QTMAN: variants seen among roughly 807,000 people sequenced by gnomAD.
The protein encoded by QTMAN is tRNA-queuosine alpha-mannosyltransferase.
the QTMAN span, chr2:144,177,051 A>G: frequency 1.5e-6 from 1 of 667,384 alleles, no homozygotes; most frequent in Admixed American, 2.2e-5. Context: ...TAAAACAGCC[A>G]GATTTCATAA....
At chr2:144,177,058 A>C in the QTMAN span, 6 of 664,594 alleles carry the variant, frequency 9.0e-6, no homozygotes, top group East Asian at 2.7e-5. Context: ...GCCAGATTTC[A>C]TAAGAATTCT....
the QTMAN span, among the ~76,000 whole-genome samples, chr2:144,250,657 C>T: frequency 1.3e-5 from 2 of 150,956 alleles, no homozygotes; most frequent in African/African-American, 4.9e-5. Flanking sequence ...ACATACTAAC[C>T]TCTTAGTGAG....
the QTMAN span, among the ~76,000 whole-genome samples, chr2:144,058,270 C>T: frequency 6.6e-6 from 1 of 151,932 alleles, no homozygotes; most frequent in East Asian, 1.9e-4. Context: ...AAGGCTTGAT[C>T]CTTTTCTGCT....
the QTMAN span, chr2:144,007,470 G>C: frequency 2.4e-4 from 379 of 1,611,850 alleles, no homozygotes; most frequent in Non-Finnish European, 3.0e-4. Context: ...GGACAGAACC[G>C]CACCGCCATT....
chr2:144,234,248 T>A, the QTMAN span, among the ~76,000 whole-genome samples: 2 of 152,134 alleles, frequency 1.3e-5, no homozygotes, highest in Admixed American at 1.3e-4. Context: ...GTCTCTTCAA[T>A]CCTATTCAAT....
At chr2:144,308,791 AAAAG>A in the QTMAN span, among the ~76,000 whole-genome samples, 85 of 152,316 alleles carry the variant, frequency 5.6e-4, no homozygotes, top group African/African-American at 1.5e-3. Flanking sequence ...TTACCAAAAA[AAAAG>A]AAAGAAAGAA....
chr2:144,135,349 T>A, the QTMAN span, among the ~76,000 whole-genome samples: 1 of 152,124 alleles, frequency 6.6e-6, no homozygotes, highest in South Asian at 2.1e-4. Flanking sequence ...TGTTTCATGC[T>A]ATAAGCTAAG....
At chr2:144,143,593 T>C in the QTMAN span, among the ~76,000 whole-genome samples, 25,153 of 151,892 alleles carry the variant, frequency 0.17, 4,019 homozygotes, top group African/African-American at 0.4. Flanking sequence ...TTGGGGGGTG[T>C]GGGTGATTAC....
the QTMAN span, among the ~76,000 whole-genome samples, chr2:144,034,452 A>G: frequency 2.9e-4 from 44 of 152,162 alleles, no homozygotes; most frequent in Admixed American, 1.2e-3. Flanking sequence ...TCCTGGCACT[A>G]AAACACTTAT....
the QTMAN span, among the ~76,000 whole-genome samples, chr2:144,203,989 A>T: frequency 6.6e-6 from 1 of 152,068 alleles, no homozygotes; most frequent in Admixed American, 6.6e-5. Flanking sequence ...TTATACAAAA[A>T]TTAATTCAAG....
At chr2:144,153,579 T>C in the QTMAN span, among the ~76,000 whole-genome samples, 2 of 152,016 alleles carry the variant, frequency 1.3e-5, no homozygotes, top group Admixed American at 1.3e-4. Context: ...TAGTCCCAGT[T>C]ACTTGGGAGG....
At chr2:144,064,185 TA>T in the QTMAN span, among the ~76,000 whole-genome samples, 1 of 151,726 alleles carries the variant, frequency 6.6e-6, no homozygotes, top group Non-Finnish European at 1.5e-5. Flanking sequence ...GGCAAGAAAA[TA>T]AAAACAGACA....
the QTMAN span, among the ~76,000 whole-genome samples, chr2:144,305,507 G>A: frequency 6.6e-6 from 1 of 152,034 alleles, no homozygotes; most frequent in Non-Finnish European, 1.5e-5. Context: ...CTGTAGCTTT[G>A]TATTAAGTTT....
chr2:144,202,686 T>C, the QTMAN span, among the ~76,000 whole-genome samples: 7 of 152,194 alleles, frequency 4.6e-5, no homozygotes, highest in South Asian at 2.1e-4. Context: ...TCTGTAAAAG[T>C]ATAATAAACA....
chr2:144,290,314 A>T, the QTMAN span, among the ~76,000 whole-genome samples: 1 of 152,116 alleles, frequency 6.6e-6, no homozygotes, highest in African/African-American at 2.4e-5. Context: ...CTGTCATAAT[A>T]TCCCAATGTT....
chr2:144,020,422 G>T, the QTMAN span, among the ~76,000 whole-genome samples: 1 of 152,218 alleles, frequency 6.6e-6, no homozygotes, highest in South Asian at 2.1e-4. Flanking sequence ...ACAGGCACTG[G>T]GTATGATCCG....
At chr2:143,967,172 T>A in the QTMAN span, among the ~76,000 whole-genome samples, 28 of 152,284 alleles carry the variant, frequency 1.8e-4, no homozygotes, top group East Asian at 5.4e-3. Context: ...GAGCATTACA[T>A]AAAATAATCA....
At chr2:144,097,271 A>G in the QTMAN span, among the ~76,000 whole-genome samples, 1 of 152,178 alleles carries the variant, frequency 6.6e-6, no homozygotes, top group Non-Finnish European at 1.5e-5. Context: ...TTACTACTTA[A>G]AGCATTTCAA....
chr2:144,062,783 A>G, the QTMAN span, among the ~76,000 whole-genome samples: 1 of 152,314 alleles, frequency 6.6e-6, no homozygotes, highest in South Asian at 2.1e-4. Context: ...CAGTAGCCTC[A>G]ATTTCCATAG....
Sources: allele counts gnomAD v4.1 joint callset (sites outside exome capture counted in the v4.1 genomes callset), GRCh38; gene constraint gnomAD v4.1.1; transcripts MANE v1.5; gene names NCBI Gene and HGNC (gene_info 2026-07-23, HGNC 2026-07-21).